Variants in C10orf88 observed in about 807,000 individuals in gnomAD.
The protein encoded by C10orf88 is ATPase PAAT.
Under a neutral mutation model 34.2 loss-of-function variants are expected in C10orf88, and 29 were observed. That is an observed-to-expected ratio of 0.85 (90% CI 0.63 to 1.16). The LOEUF is 1.16. C10orf88 is among the 50% of genes most tolerant of loss of function. C10orf88 has a pLI of 0.00. For missense variants in C10orf88, 507 were observed against 533.2 expected, an observed-to-expected ratio of 0.95 and a Z score of 0.48; for synonymous variants, 194 against 197.4, an observed-to-expected ratio of 0.98 and a Z score of 0.15.
chr10:122,950,083 G>T (rs1271871740), intron 3 of C10orf88, among the ~76,000 whole-genome samples: 2 of 152,156 alleles, frequency 1.3e-5, no homozygotes, highest in African/African-American at 4.8e-5. Context: ...CAACAGAGTA[G>T]CAAAATGGAA....
At chr10:122,938,984 C>A (rs1045286822) in intron 4 of C10orf88, among the ~76,000 whole-genome samples, 3 of 151,976 alleles carry the variant, frequency 2.0e-5, no homozygotes, top group African/African-American at 7.2e-5. Flanking sequence ...AGATTCTTAT[C>A]AGGGGTTATC....
At chr10:122,942,653 G>C (rs1169144354) in intron 4 of C10orf88, among the ~76,000 whole-genome samples, 3 of 150,146 alleles carry the variant, frequency 2.0e-5, no homozygotes, top group African/African-American at 7.4e-5. Context: ...ATCTCCTTAA[G>C]CTGATAAGCA....
intron 4 of C10orf88, among the ~76,000 whole-genome samples, chr10:122,945,492 C>A (rs1848631118): frequency 6.6e-6 from 1 of 152,050 alleles, no homozygotes; most frequent in African/African-American, 2.4e-5. Flanking sequence ...TATTATTATA[C>A]AAGATGACAG....
chr10:122,943,181 G>C (rs1460133362), intron 4 of C10orf88, among the ~76,000 whole-genome samples: 40 of 143,800 alleles, frequency 2.8e-4, no homozygotes, highest in South Asian at 2.8e-3. Context: ...CAGAGATATA[G>C]ATCAATGGAA....
At chr10:122,941,231 T>C (rs145546754) in intron 4 of C10orf88, among the ~76,000 whole-genome samples, 177 of 152,224 alleles carry the variant, frequency 1.2e-3, no homozygotes, top group African/African-American at 4.0e-3. Flanking sequence ...CTACACCCTT[T>C]GATATAGAAT....
chr10:122,935,262 T>C (rs1848524102), intron 5 of C10orf88, among the ~76,000 whole-genome samples: 1 of 152,060 alleles, frequency 6.6e-6, no homozygotes, highest in Admixed American at 6.6e-5. Flanking sequence ...GAGTTTCTCC[T>C]GTAGAAAAGC....
intron 4 of C10orf88, among the ~76,000 whole-genome samples, chr10:122,944,205 G>A (rs369499857): frequency 7.2e-4 from 110 of 151,884 alleles, no homozygotes; most frequent in African/African-American, 2.5e-3. Context: ...ATAAAAAATG[G>A]TGAGTTCATG....
At chr10:122,944,146 C>G (rs899277666) in intron 4 of C10orf88, among the ~76,000 whole-genome samples, 40 of 151,820 alleles carry the variant, frequency 2.6e-4, no homozygotes, top group African/African-American at 9.2e-4. Context: ...CAATGATAGA[C>G]TGGATTAAGA....
chr10:122,942,932 G>T (rs1414252498), intron 4 of C10orf88, among the ~76,000 whole-genome samples: 1 of 146,792 alleles, frequency 6.8e-6, no homozygotes, highest in Non-Finnish European at 1.5e-5. Context: ...TCAATATCGT[G>T]AAAATGGCCA....
At position 122,954,188 on chromosome 10, in the gene C10orf88, T is replaced by TGA; in HGVS notation, c.-11_-10insTC. The TGA allele has an allele frequency of 3.2e-6, 5 of 1,555,442 alleles. No individual in the cohort carries two copies. The highest frequency in any genetic ancestry group is 4.3e-6 in the Non-Finnish European group (5 of 1,158,272). ...CGGTCCGCGTCTCCATTCCGCCGCCTTCAGTCAGGCCAGCCCAGCCCCGGA... is the reference window on the plus strand; with the variant it reads ...CGGTCCGCGTCTCCATTCCGCCGCCTGATCAGTCAGGCCAGCCCAGCCCCGGA... On this transcript the variant is annotated 5_prime_UTR_variant, in exon 1 of 6. Coordinates refer to ENST00000481909, the MANE Select transcript of C10orf88 (RefSeq NM_024942.4).
intron 4 of C10orf88, among the ~76,000 whole-genome samples, chr10:122,945,689 G>A (rs1250588309): frequency 6.6e-6 from 1 of 151,992 alleles, no homozygotes; most frequent in African/African-American, 2.4e-5. Context: ...ATAGAAAAAG[G>A]ATATAAAGAA....
intron 4 of C10orf88, among the ~76,000 whole-genome samples, chr10:122,945,093 T>C (rs1589696628): frequency 1.3e-5 from 2 of 151,500 alleles, no homozygotes; most frequent in South Asian, 2.1e-4. Context: ...TATATATATG[T>C]ATGTATAGAT....
chr10:122,944,035 A>G (rs921047273), intron 4 of C10orf88, among the ~76,000 whole-genome samples: 118 of 152,088 alleles, frequency 7.8e-4, no homozygotes, highest in African/African-American at 2.8e-3. Flanking sequence ...GTATATACCC[A>G]AAGGATTATA....
At chr10:122,934,667 G>A (rs962388259) in intron 5 of C10orf88, among the ~76,000 whole-genome samples, 2 of 152,096 alleles carry the variant, frequency 1.3e-5, no homozygotes, top group Non-Finnish European at 2.9e-5. Context: ...TCATTTCTCT[G>A]GGATGTCCAG....
At chr10:122,932,696 C>T (rs1481533536) in intron 5 of C10orf88, 35 bp from the exon 6 acceptor site, 1 of 1,436,502 alleles carries the variant, frequency 7.0e-7, no homozygotes, top group East Asian at 2.4e-5. Flanking sequence ...GTAAATTTTC[C>T]CTAATAACAA....
In C10orf88 at chr10:122,931,815, A is replaced by C. The variant is rs1311870694; in HGVS notation, c.*612T>G. ...TCAAATCCAAAGTACTAATCGTAACAAGGACTAGGCTAGTTCTGATGTTTA... is the reference window on the plus strand; with the variant it reads ...TCAAATCCAAAGTACTAATCGTAACCAGGACTAGGCTAGTTCTGATGTTTA... On this transcript the variant is annotated 3_prime_UTR_variant, in exon 6 of 6. Transcript: ENST00000481909. The C allele has an allele frequency of 1.3e-5, 2 of 152,362 alleles. No individual in the cohort carries two copies. Among genetic ancestry groups the C allele is most frequent in the Non-Finnish European group, 2.9e-5 (2 of 68,038 alleles). 9.4% of individuals were successfully genotyped at this position (152,362 alleles called of 1,614,324 possible).
intron 4 of C10orf88, among the ~76,000 whole-genome samples, chr10:122,939,153 G>A (rs1457076065): frequency 6.6e-6 from 1 of 151,870 alleles, no homozygotes; most frequent in Non-Finnish European, 1.5e-5. Context: ...ATATTTACCA[G>A]GAATCTACTC....
rs781301980 is a variant in C10orf88 at position 122,952,860 on chromosome 10, C to T, written c.337G>A (p.Gly113Ser). ...TCCAGGACAGTACAAACATTCTTGC[C>T]CCTACTGGTTCCACAGTACTCCTCT... ...LGEEYCGTSR[G>S]KNVCTVLDDS... Residue 113 changes from glycine to serine, a missense_variant, in exon 2 of 6, where the codon GGC (glycine) becomes AGC (serine). By Grantham distance (56) the Gly-to-Ser change is moderately conservative (BLOSUM62 0). Transcript: ENST00000481909. The T allele has an allele frequency of 6.2e-7, 1 of 1,613,924 alleles. No individual in the cohort carries two copies. The highest frequency in any genetic ancestry group is 1.3e-5 in the African/African-American group (1 of 74,916).
chr10:122,932,531 T>C lies in C10orf88; in HGVS notation c.1234A>G (p.Ile412Val). 6.2e-7 allele frequency: 1 copy of C among 1,613,994 alleles called. No individual in the cohort carries two copies. Among genetic ancestry groups the C allele is most frequent in the East Asian group, 2.2e-5 (1 of 44,850 alleles). ...HELQEHIDDK[I>V]ALLLDLLQNP... Reference sequence around the variant, plus strand: ...TGCAGCAAATCCAGTAACAAAGCAATCTTATCATCAATGTGCTCCTGGAGT... The same window carrying C: ...TGCAGCAAATCCAGTAACAAAGCAACCTTATCATCAATGTGCTCCTGGAGT... The change falls in exon 6 of 6, where the codon ATT becomes GTT. Residue 412 changes from isoleucine to valine, a missense_variant. Coordinates refer to ENST00000481909, the MANE Select transcript of C10orf88 (RefSeq NM_024942.4).
Sources: gnomAD v4.1 joint callset for allele counts (sites outside exome capture counted in the v4.1 genomes callset) on GRCh38, gnomAD v4.1.1 for gene constraint, MANE v1.5 for transcripts, NCBI Gene and HGNC (gene_info 2026-07-23, HGNC 2026-07-21) for gene names.